SMG1: variants seen among roughly 807,000 people sequenced by gnomAD.
SMG1 encodes SMG1 nonsense mediated mRNA decay associated PI3K related kinase.
A neutral mutation model predicts 419.9 loss-of-function variants in SMG1; 22 were observed. The ratio of observed to expected loss-of-function variants is 0.05; its 90% CI spans 0.04 to 0.07. The LOEUF (loss-of-function observed/expected upper bound fraction) is 0.07. Among genes scored for constraint, SMG1 ranks in the 10% least tolerant of loss-of-function variants. The pLI, the probability that SMG1 is intolerant of heterozygous loss-of-function variation, is 1.00. For missense variants in SMG1, 3,185 were observed against 4,342.0 expected, an observed-to-expected ratio of 0.73 and a Z score of 7.49; for synonymous variants, 1,538 against 1,553.5, an observed-to-expected ratio of 0.99 and a Z score of 0.23.
At chr16:18,862,584 T>C (rs947339427) in intron 25 of SMG1, among the ~76,000 whole-genome samples, 9 of 152,316 alleles carry the variant, frequency 5.9e-5, no homozygotes, top group East Asian at 5.8e-4. Context: ...CTCCAGTTAA[T>C]AGCATTGTTT....
intron 35 of SMG1, 135 bp downstream of exon 35, chr16:18,849,814 G>T: frequency 2.5e-6 from 2 of 811,300 alleles, no homozygotes; most frequent in Non-Finnish European, 1.9e-6. Context: ...AACAAGCAGT[G>T]CAGGGTGTCC....
intron 27 of SMG1, 31 bp downstream of exon 27, chr16:18,859,525 T>C (rs913836069): frequency 8.3e-7 from 1 of 1,204,130 alleles, no homozygotes; most frequent in Non-Finnish European, 1.2e-6. Context: ...ATATACACAA[T>C]GTACATTTAC....
At chr16:18,905,907 C>T (rs1276866309) in intron 1 of SMG1, among the ~76,000 whole-genome samples, 1 of 152,196 alleles carries the variant, frequency 6.6e-6, no homozygotes, top group Non-Finnish European at 1.5e-5. Flanking sequence ...GCAACATGCC[C>T]GGCCCCTTCC....
intron 5 of SMG1, 147 bp downstream of exon 5, chr16:18,890,716 T>G: frequency 1.6e-6 from 1 of 616,708 alleles, no homozygotes; most frequent in Non-Finnish European, 3.0e-6. Flanking sequence ...AACACATAAT[T>G]AATGCAGATA....
intron 54 of SMG1, among the ~76,000 whole-genome samples, chr16:18,828,957 C>T (rs2032960015): frequency 6.6e-6 from 1 of 151,052 alleles, no homozygotes; most frequent in South Asian, 2.1e-4. Context: ...GAGATCGCGC[C>T]ATTGCACTCC....
chr16:18,820,705 C>A (rs2032452363), intron 55 of SMG1, among the ~76,000 whole-genome samples: 1 of 152,204 alleles, frequency 6.6e-6, no homozygotes, highest in Non-Finnish European at 1.5e-5. Context: ...GAAAACACAT[C>A]TTTTCTCTGA....
intron 1 of SMG1, among the ~76,000 whole-genome samples, chr16:18,923,471 C>T (rs779993120): frequency 6.6e-6 from 1 of 151,978 alleles, no homozygotes; most frequent in Non-Finnish European, 1.5e-5. Flanking sequence ...TGGTGGAATC[C>T]CGTCTCTACT....
At chr16:18,847,771 T>C in intron 37 of SMG1, 45 bp downstream of exon 37, 1 of 1,595,172 alleles carries the variant, frequency 6.3e-7, no homozygotes, top group Admixed American at 1.7e-5. Context: ...GCAATTTTTA[T>C]TATTCTATAA....
chr16:18,900,198 CCA>C (rs2037291716), intron 1 of SMG1: 2 of 523,226 alleles, frequency 3.8e-6, no homozygotes, highest in African/African-American at 3.8e-5. Flanking sequence ...AGGTGGAAAG[CCA>C]CTCTGTGCCT....
chr16:18,850,027 A>G lies in SMG1; in HGVS notation c.5383T>C (p.Leu1795=). 1.2e-6 allele frequency: 2 copies of G among 1,614,008 alleles called. No individual in the cohort carries two copies. Among genetic ancestry groups the G allele is most frequent in the Non-Finnish European group, 1.7e-6 (2 of 1,179,886 alleles). ...IVMATLRLLR[L]LVKHAGELRQ... ...AGCTCACCAGCATGCTTCACGAGCA[A>G]CCGCAGCAGGCGCAATGTGGCCATC... is the stretch of plus-strand genomic sequence containing the variant. The change falls in exon 35 of 63, where the codon TTG becomes CTG. Residue 1795 remains leucine, a synonymous_variant. Coordinates refer to ENST00000446231, the MANE Select transcript of SMG1 (RefSeq NM_015092.5).
In SMG1 at chr16:18,805,603, A is replaced by T. The variant is rs1053083407; in HGVS notation, c.*3966T>A. 1.3e-5 allele frequency: 2 copies of T among 152,138 alleles called. No individual in the cohort carries two copies. The highest frequency in any genetic ancestry group is 2.9e-5 in the Non-Finnish European group (2 of 68,024). 9.4% of individuals were successfully genotyped at this position (152,138 alleles called of 1,614,324 possible). Reference sequence around the variant, plus strand: ...CCCTTAGGGTTTCATGATACAGTGAATTTTCCCCTCCCCAACGTTTGGAAA... The same window carrying T: ...CCCTTAGGGTTTCATGATACAGTGATTTTTCCCCTCCCCAACGTTTGGAAA... On this transcript the variant is annotated 3_prime_UTR_variant, in exon 63 of 63. Transcript: ENST00000446231.
rs2030712815 is a variant in SMG1 at position 18,805,217 on chromosome 16, T to A, written c.*4352A>T. On this transcript the variant is annotated 3_prime_UTR_variant, in exon 63 of 63. Coordinates refer to ENST00000446231, the MANE Select transcript of SMG1 (RefSeq NM_015092.5). ...TACAGGTGGAAATATAAGGGAAATT[T>A]AAACCAGAAAAATGACACAATAACT... is the stretch of plus-strand genomic sequence containing the variant. The A allele has an allele frequency of 6.6e-6, 1 of 152,196 alleles. No individual in the cohort carries two copies. The highest frequency in any genetic ancestry group is 1.5e-5 in the Non-Finnish European group (1 of 68,030). 9.4% of individuals were successfully genotyped at this position (152,196 alleles called of 1,614,324 possible).
intron 11 of SMG1, chr16:18,878,006 CTG>C (rs2036216558): frequency 6.6e-6 from 1 of 152,142 alleles, no homozygotes; most frequent in African/African-American, 2.4e-5. Flanking sequence ...ATTATAGAAG[CTG>C]AGTGTTAAAT....
At chr16:18,843,975 G>C (rs1245935517) in intron 39 of SMG1, among the ~76,000 whole-genome samples, 1 of 151,310 alleles carries the variant, frequency 6.6e-6, no homozygotes, top group Non-Finnish European at 1.5e-5. Context: ...TTCTTTAAAT[G>C]TACAAAATCA....
chr16:18,844,194 C>T (rs1249458362), intron 39 of SMG1, among the ~76,000 whole-genome samples: 1 of 151,778 alleles, frequency 6.6e-6, no homozygotes, highest in Non-Finnish European at 1.5e-5. Flanking sequence ...TTTGGGAGGC[C>T]GAGGAGGGTG....
chr16:18,910,276 G>C (rs1173235930), intron 1 of SMG1, among the ~76,000 whole-genome samples: 1 of 148,364 alleles, frequency 6.7e-6, no homozygotes, highest in East Asian at 2.0e-4. Context: ...TGTTGCCCAG[G>C]CTGGAGTGCA....
At chr16:18,849,423 C>A in intron 35 of SMG1, 45 bp from the exon 36 acceptor site, 1 of 1,543,858 alleles carries the variant, frequency 6.5e-7, no homozygotes, top group Non-Finnish European at 8.9e-7. Flanking sequence ...TTATTTAAAA[C>A]TATGAAGAAA....
intron 1 of SMG1, 105 bp from the exon 2 acceptor site, chr16:18,897,061 T>C: frequency 1.3e-6 from 1 of 765,980 alleles, no homozygotes; most frequent in Non-Finnish European, 2.1e-6. Flanking sequence ...CCATTACTAT[T>C]TAGTGTAATA....
intron 1 of SMG1, among the ~76,000 whole-genome samples, chr16:18,915,035 C>T (rs752989301): frequency 1.3e-5 from 2 of 151,164 alleles, no homozygotes; most frequent in Non-Finnish European, 2.9e-5. Context: ...GCAACGGCAT[C>T]ATCTCCACTC....
Sources: allele counts gnomAD v4.1 joint callset (sites outside exome capture counted in the v4.1 genomes callset), GRCh38; gene constraint gnomAD v4.1.1; transcripts MANE v1.5; gene names NCBI Gene and HGNC (gene_info 2026-07-23, HGNC 2026-07-21).